LY75: variants seen among roughly 807,000 people sequenced by gnomAD.
LY75 encodes C-type lectin domain family 13 member B.
LY75 carries 185 observed loss-of-function variants against 231.7 expected under a neutral mutation model. The ratio of observed to expected loss-of-function variants is 0.80; its 90% CI spans 0.71 to 0.90. The LOEUF (loss-of-function observed/expected upper bound fraction) is 0.90, where lower values mean the gene tolerates loss of function less well. Among genes scored for constraint, LY75 ranks in the 40% least tolerant of loss-of-function variants. The pLI, the probability that LY75 is intolerant of heterozygous loss-of-function variation, is 0.00. For synonymous variants in LY75, 668 were observed against 689.0 expected, an observed-to-expected ratio of 0.97 and a Z score of 0.48; for missense variants, 1,947 against 2,050.2, an observed-to-expected ratio of 0.95 and a Z score of 0.97.
intron 20 of LY75, 138 bp from the exon 21 acceptor site, chr2:159,852,478 G>T: frequency 8.2e-7 from 1 of 1,216,170 alleles, no homozygotes; most frequent in Non-Finnish European, 1.1e-6. Context: ...GAGTGCAGTG[G>T]TGCAATGTTG....
At chr2:159,894,297 G>GTAGCC (rs1355769654) in intron 2 of LY75, among the ~76,000 whole-genome samples, 1 of 152,230 alleles carries the variant, frequency 6.6e-6, no homozygotes, top group Non-Finnish European at 1.5e-5. Flanking sequence ...CCAACCTCTA[G>GTAGCC]TAGCCTCTGT....
intron 13 of LY75, among the ~76,000 whole-genome samples, chr2:159,868,363 T>C (rs891103058): frequency 6.6e-6 from 1 of 152,170 alleles, no homozygotes; most frequent in East Asian, 1.9e-4. Context: ...CATAGTACAT[T>C]CTATGGAAAA....
intron 34 of LY75, 141 bp downstream of exon 34, chr2:159,806,830 CTA>C (rs1682807917): frequency 4.0e-6 from 4 of 1,001,254 alleles, no homozygotes; most frequent in Non-Finnish European, 5.4e-6. Context: ...GGGGAAATCT[CTA>C]TGACTTAATC....
At chr2:159,883,106 G>T (rs1018124885) in intron 6 of LY75, among the ~76,000 whole-genome samples, 2 of 135,306 alleles carry the variant, frequency 1.5e-5, no homozygotes, top group Non-Finnish European at 3.1e-5. Context: ...AGAAAACACA[G>T]CATCTCTGGG....
intron 1 of LY75, among the ~76,000 whole-genome samples, chr2:159,901,543 G>C (rs528590601): frequency 3.9e-4 from 59 of 152,328 alleles, no homozygotes; most frequent in African/African-American, 1.3e-3. Context: ...TTCCTTTGCA[G>C]TTTGCAGTTC....
Position 159,893,962 on chromosome 2 carries a change from T to C in LY75, c.589A>G (p.Thr197Ala). 6.2e-7 allele frequency: 1 copy of C among 1,613,770 alleles called. No individual in the cohort carries two copies. Among genetic ancestry groups the C allele is most frequent in the Non-Finnish European group, 8.5e-7 (1 of 1,179,816 alleles). The stretch of plus-strand genomic sequence containing the variant: ...TTTCGGTCATATTCATAATTTAAGG[T>C]GGTGGCACACCATGGCCCACTATGA... Reference protein sequence around the residue: ...EDHSGPWCATTLNYEYDRKWG... With the variant: ...EDHSGPWCATALNYEYDRKWG... The change falls in exon 3 of 35, where the codon ACC (threonine) becomes GCC (alanine). Residue 197 changes from threonine (T) to alanine (A), a missense_variant. Thr to Ala is a moderately conservative substitution (Grantham distance 58). Coordinates refer to ENST00000263636, the MANE Select transcript of LY75 (RefSeq NM_002349.4).
rs764244050 is a variant in LY75, at chr2:159,879,335, T to C, written c.1439A>G (p.Lys480Arg). ...GQWKVQSCEE[K>R]LKYVCKRKGE... is the part of the protein sequence containing the mutation. Reference sequence around the variant, plus strand: ...CTTTCTCTTGCATACATATTTTAGTTTCTCCTCACATGATTGGACTTTCCA... The same window carrying C: ...CTTTCTCTTGCATACATATTTTAGTCTCTCCTCACATGATTGGACTTTCCA... Residue 480 changes from lysine (K) to arginine (R), a missense_variant, in exon 9 of 35, where the codon AAA becomes AGA. Transcript: ENST00000263636. The C allele has an allele frequency of 1.2e-6, 2 of 1,613,738 alleles. No homozygotes were observed. The highest frequency in any genetic ancestry group is 1.7e-6 in the Non-Finnish European group (2 of 1,179,886).
chr2:159,856,829 A>G (rs1211099812), intron 16 of LY75, among the ~76,000 whole-genome samples: 3 of 152,112 alleles, frequency 2.0e-5, no homozygotes, highest in African/African-American at 4.8e-5. Flanking sequence ...CATGCCCTTC[A>G]TACTATTTCC....
chr2:159,832,872 C>T (rs1683705203), intron 27 of LY75, among the ~76,000 whole-genome samples: 1 of 152,160 alleles, frequency 6.6e-6, no homozygotes, highest in Non-Finnish European at 1.5e-5. Flanking sequence ...TAGCAACTTT[C>T]ACTAAGTTCA....
At chr2:159,831,576 T>G in intron 28 of LY75, 94 bp downstream of exon 28, 1 of 1,331,754 alleles carries the variant, frequency 7.5e-7, no homozygotes, top group Admixed American at 2.1e-5. Flanking sequence ...TTTCACGTAT[T>G]GATAGACATG....
intron 28 of LY75, among the ~76,000 whole-genome samples, chr2:159,825,638 T>C (rs1489849131): frequency 6.6e-6 from 1 of 152,108 alleles, no homozygotes; most frequent in Non-Finnish European, 1.5e-5. Flanking sequence ...TACCAAAACC[T>C]GGCAGAAACA....
At chr2:159,864,961 G>T in intron 13 of LY75, 41 bp from the exon 14 acceptor site, 1 of 1,552,550 alleles carries the variant, frequency 6.4e-7, no homozygotes, top group South Asian at 1.3e-5. Flanking sequence ...GACAATGCTT[G>T]GCAAAAATAT....
In LY75 at chr2:159,831,724, G is replaced by T; in HGVS notation, c.3904C>A (p.Leu1302Met). Residue 1302 changes from leucine to methionine, a missense_variant, in exon 28 of 35, where the codon CTG becomes ATG. By Grantham distance (15) the Leu-to-Met change is conservative. Coordinates refer to ENST00000263636, the MANE Select transcript of LY75 (RefSeq NM_002349.4). The stretch of plus-strand genomic sequence containing the variant: ...GAAGCCATATAATTGAAGTACAGCA[G>T]TTGCTCAAGAACAAAGTTATTCTCC... ...EKENNFVLEQ[L>M]LYFNYMASWV... is the part of the protein sequence containing the mutation. 6.2e-7 allele frequency: 1 copy of T among 1,612,700 alleles called. No individual in the cohort carries two copies.
chr2:159,822,387 G>GCAGTTTTA (rs1370109893), intron 28 of LY75, among the ~76,000 whole-genome samples: 3 of 152,360 alleles, frequency 2.0e-5, no homozygotes, highest in African/African-American at 7.2e-5. Context: ...GCTCGAGTAG[G>GCAGTTTTA]CAGTTTTACG....
intron 21 of LY75, 105 bp downstream of exon 21, chr2:159,852,096 G>T: frequency 6.8e-7 from 1 of 1,469,426 alleles, no homozygotes; most frequent in Non-Finnish European, 9.1e-7. Context: ...AACATGCAGA[G>T]TCTATTTCAG....
intron 23 of LY75, among the ~76,000 whole-genome samples, chr2:159,845,611 T>G (rs999181868): frequency 6.6e-6 from 1 of 152,054 alleles, no homozygotes; most frequent in African/African-American, 2.4e-5. Flanking sequence ...AAATACAGTA[T>G]AACAACTATT....
chr2:159,837,037 T>C (rs989836274), intron 25 of LY75, among the ~76,000 whole-genome samples: 1 of 152,262 alleles, frequency 6.6e-6, no homozygotes, highest in Non-Finnish European at 1.5e-5. Flanking sequence ...TCACACATTG[T>C]TGGTGGGATT....
At position 159,826,651 on chromosome 2, in the gene LY75, C is replaced by G. The variant is rs541238539; in HGVS notation, c.3958+5019G>C. On this transcript the variant is annotated intron_variant, in intron 28 of 34. Coordinates refer to ENST00000263636, the MANE Select transcript of LY75 (RefSeq NM_002349.4). Reference sequence around the variant, plus strand: ...CAAAAAAGAGCCCGGATAGCCAAGACAATCCTGGACAAGAAGAACAAAGAT... The same window carrying G: ...CAAAAAAGAGCCCGGATAGCCAAGAGAATCCTGGACAAGAAGAACAAAGAT... 3.3e-5 allele frequency among the ~76,000 whole-genome samples: 5 copies of G among 152,278 alleles called. No individual in the cohort carries two copies. The South Asian group carries it at 1.0e-3, about 32-fold the overall frequency.
At chr2:159,875,307 G>T in intron 12 of LY75, 137 bp downstream of exon 12, 1 of 1,233,000 alleles carries the variant, frequency 8.1e-7, no homozygotes, top group South Asian at 1.6e-5. Context: ...GCGATGCCCT[G>T]CCAAGGACTC....
Sources: gnomAD v4.1 joint callset for allele counts (sites outside exome capture counted in the v4.1 genomes callset) on GRCh38, gnomAD v4.1.1 for gene constraint, MANE v1.5 for transcripts, NCBI Gene and HGNC (gene_info 2026-07-23, HGNC 2026-07-21) for gene names.